Variants in VWA3B observed in about 807,000 individuals in gnomAD.
VWA3B encodes von Willebrand factor A domain-containing protein 3B.
In VWA3B, 138 loss-of-function variants were observed where a neutral mutation model predicts 158.3. The observed-to-expected ratio is 0.87, with a 90% confidence interval of 0.76 to 1.00. The LOEUF is 1.00. Among genes scored for constraint, VWA3B ranks in the 50% least tolerant of loss-of-function variants. VWA3B has a pLI of 0.00. For missense variants in VWA3B, 1,555 were observed against 1,565.1 expected (o/e 0.99, Z 0.11); for synonymous variants, 596 against 587.3 (o/e 1.01, Z -0.21).
chr2:98,284,978 A>G (rs559883071), intron 22 of VWA3B, among the ~76,000 whole-genome samples: 36 of 152,310 alleles, frequency 2.4e-4, no homozygotes, highest in African/African-American at 8.4e-4. Context: ...ACTACAGTAT[A>G]TGCAAAATAT....
At position 98,128,322 on chromosome 2, in the gene VWA3B, G is replaced by A. The variant is rs755732760; in HGVS notation, c.786G>A (p.Pro262=). 18 of 1,614,060 alleles carry A rather than the reference G, an allele frequency of 1.1e-5. No homozygotes were observed. The highest frequency in any genetic ancestry group is 4.4e-5 in the South Asian group (4 of 91,074). Reference sequence around the variant, plus strand: ...TCCTCCAGAGGGCCTTGGAGATCCCGTGTCCAGTCTACACAGTGTCCTTCA... The same window carrying A: ...TCCTCCAGAGGGCCTTGGAGATCCCATGTCCAGTCTACACAGTGTCCTTCA... The part of the protein sequence containing the change: ...ELLLQRALEI[P]CPVYTVSFNA... The change falls in exon 6 of 28, where the codon CCG becomes CCA. Residue 262 remains proline, a synonymous_variant. Transcript: ENST00000477737.
intron 2 of VWA3B, among the ~76,000 whole-genome samples, chr2:98,099,559 C>T (rs1682944877): frequency 6.6e-6 from 1 of 152,110 alleles, no homozygotes; most frequent in African/African-American, 2.4e-5. Context: ...TTGGGGTAGT[C>T]TTATTTAGAT....
At chr2:98,148,431 T>C (rs561820404) in intron 7 of VWA3B, among the ~76,000 whole-genome samples, 6 of 152,370 alleles carry the variant, frequency 3.9e-5, no homozygotes, top group African/African-American at 1.2e-4. Context: ...CTTATCACAT[T>C]GTGTGAACAG....
chr2:98,330,392 T>A, the VWA3B span, among the ~76,000 whole-genome samples: 16 of 152,272 alleles, frequency 1.1e-4, no homozygotes, highest in Admixed American at 2.6e-4. Context: ...CTCCTCTCCT[T>A]GTTAATTTAT....
chr2:98,323,591 G>A, the VWA3B span, among the ~76,000 whole-genome samples: 26 of 151,878 alleles, frequency 1.7e-4, 1 homozygote, highest in Non-Finnish European at 2.2e-4. Flanking sequence ...GAAGCCTAAG[G>A]AACCTCAAAA....
chr2:98,180,784 A>G (rs1041485399), intron 8 of VWA3B, among the ~76,000 whole-genome samples: 3 of 152,186 alleles, frequency 2.0e-5, no homozygotes, highest in African/African-American at 7.2e-5. Flanking sequence ...ATAAAAAGTA[A>G]CCCTGCTTTG....
intron 8 of VWA3B, among the ~76,000 whole-genome samples, chr2:98,170,270 T>C (rs942365396): frequency 6.6e-6 from 1 of 152,220 alleles, no homozygotes; most frequent in African/African-American, 2.4e-5. Context: ...TGTGACTCAG[T>C]AGAAATCATT....
chr2:98,128,522 C>A lies in VWA3B; in HGVS notation c.872+114C>A, dbSNP rs138097156. On this transcript the variant is annotated intron_variant, in intron 6 of 27. Coordinates refer to ENST00000477737, the MANE Select transcript of VWA3B (RefSeq NM_144992.5). ...AACCAATCTGTTGCTGTGTTCTCCTCTTTCCAGTATATTATTTAGTCTCTC... is the reference window on the plus strand; with the variant it reads ...AACCAATCTGTTGCTGTGTTCTCCTATTTCCAGTATATTATTTAGTCTCTC... The A allele has an allele frequency of 3.9e-4, 412 of 1,045,374 alleles. No homozygotes were observed. In the African/African-American group the frequency reaches 5.4e-3, roughly 14 times the overall value. The allele number at this position is 1,045,374 out of a possible 1,614,324, so 64.8% of individuals were successfully genotyped here.
chr2:98,145,478 A>G (rs1412935087), intron 7 of VWA3B, among the ~76,000 whole-genome samples: 1 of 152,214 alleles, frequency 6.6e-6, no homozygotes, highest in Non-Finnish European at 1.5e-5. Context: ...GTCAGGATTC[A>G]AACTCAAGAC....
chr2:98,277,816 A>G (rs1234005132), intron 22 of VWA3B, among the ~76,000 whole-genome samples: 3 of 152,188 alleles, frequency 2.0e-5, no homozygotes, highest in East Asian at 1.9e-4. Context: ...TGACTTTGAC[A>G]CTATACATGC....
chr2:98,227,945 G>T (rs1685045042), intron 14 of VWA3B, among the ~76,000 whole-genome samples: 1 of 152,176 alleles, frequency 6.6e-6, no homozygotes. Context: ...GATAATATAA[G>T]AACAACATAA....
At chr2:98,111,358 A>G (rs1674120942) in intron 2 of VWA3B, among the ~76,000 whole-genome samples, 1 of 152,154 alleles carries the variant, frequency 6.6e-6, no homozygotes, top group Non-Finnish European at 1.5e-5. Context: ...TAAAAATACT[A>G]CAGCAAACAT....
intron 10 of VWA3B, among the ~76,000 whole-genome samples, chr2:98,190,439 C>T (rs541093888): frequency 6.6e-6 from 1 of 152,198 alleles, no homozygotes; most frequent in Non-Finnish European, 1.5e-5. Context: ...TATTTAACCA[C>T]ATACTTGATA....
At chr2:98,211,078 G>C (rs748798021) in intron 12 of VWA3B, among the ~76,000 whole-genome samples, 11 of 152,200 alleles carry the variant, frequency 7.2e-5, no homozygotes, top group Non-Finnish European at 1.6e-4. Flanking sequence ...CCCTGCAGCA[G>C]GATTGGGGGT....
At chr2:98,257,020 G>A (rs1485728184) in intron 21 of VWA3B, among the ~76,000 whole-genome samples, 1 of 152,028 alleles carries the variant, frequency 6.6e-6, no homozygotes, top group Non-Finnish European at 1.5e-5. Context: ...TCCCTACTGT[G>A]TTGTCAAGTG....
At chr2:98,150,123 T>C (rs1677505231) in intron 7 of VWA3B, among the ~76,000 whole-genome samples, 1 of 152,366 alleles carries the variant, frequency 6.6e-6, no homozygotes, top group East Asian at 1.9e-4. Context: ...AAAAAGTAGT[T>C]GTAGGCTGAG....
chr2:98,196,655 A>G (rs1327339037), intron 12 of VWA3B, among the ~76,000 whole-genome samples: 1 of 152,028 alleles, frequency 6.6e-6, no homozygotes, highest in African/African-American at 2.4e-5. Flanking sequence ...CCCCCAGACC[A>G]TGTTTCCCCG....
chr2:98,226,319 G>A lies in VWA3B; in HGVS notation c.2020-1883G>A, dbSNP rs79796235. Among the ~76,000 whole-genome samples the A allele has an allele frequency of 3.6e-3, 543 of 152,286 alleles. 3 individuals are homozygous for A. The highest frequency in any genetic ancestry group is 0.013 in the African/African-American group (520 of 41,550). ...GACAAAGATGCAAAAGCAATCCAGC[G>A]GAGGAAGGATAGCCATCTCAATAAA... is the stretch of plus-strand genomic sequence containing the variant. On this transcript the variant is annotated intron_variant, in intron 14 of 27. Coordinates refer to ENST00000477737, the MANE Select transcript of VWA3B (RefSeq NM_144992.5).
intron 8 of VWA3B, chr2:98,179,442 G>C: frequency 2.3e-6 from 1 of 437,312 alleles, no homozygotes; most frequent in Non-Finnish European, 4.7e-6. Flanking sequence ...GCTAAGGTGA[G>C]TTGTCCTAGA....
Sources: allele counts gnomAD v4.1 joint callset (sites outside exome capture counted in the v4.1 genomes callset), GRCh38; gene constraint gnomAD v4.1.1; transcripts MANE v1.5; gene names NCBI Gene and HGNC (gene_info 2026-07-23, HGNC 2026-07-21).